The following KDM2B variants were observed in gnomAD, a reference collection of about 807,000 sequenced individuals.
The protein encoded by KDM2B is lysine demethylase 2B.
In KDM2B, 26 loss-of-function variants were observed where a neutral mutation model predicts 150.0. The ratio of observed to expected loss-of-function variants is 0.17; its 90% CI spans 0.13 to 0.24. The LOEUF is 0.24. KDM2B is among the 10% of genes least tolerant of loss of function. The pLI, the probability that KDM2B is intolerant of heterozygous loss-of-function variation, is 1.00. For synonymous variants in KDM2B, 734 were observed against 729.5 expected (o/e 1.01, Z -0.10); for missense variants, 1,265 against 1,816.9 (o/e 0.70, Z 5.52).
At chr12:121,544,058 C>G (rs577232640) in intron 6 of KDM2B, among the ~76,000 whole-genome samples, 18 of 142,600 alleles carry the variant, frequency 1.3e-4, no homozygotes, top group African/African-American at 4.8e-4. Context: ...GAAGTTGCAA[C>G]GACCCACAAT....
In KDM2B at chr12:121,430,163, A is replaced by G; in HGVS notation, c.*125T>C. 6.2e-7 allele frequency: 1 copy of G among 1,614,190 alleles called. No individual in the cohort carries two copies. The highest frequency in any genetic ancestry group is 8.5e-7 in the Non-Finnish European group (1 of 1,180,028). On this transcript the variant is annotated 3_prime_UTR_variant, in exon 23 of 23. Coordinates refer to ENST00000377071, the MANE Select transcript of KDM2B (RefSeq NM_032590.5). The surrounding 1 kb of genome is among the most constrained non-coding windows in gnomAD (Gnocchi z 4.4). ...GTTGAACAGCTTCTCCCTTGGAAAG[A>G]CTTGCAAAATGGAATTGCGTTGTGG...
the KDM2B span, among the ~76,000 whole-genome samples, chr12:121,423,142 C>T: frequency 6.6e-6 from 1 of 152,202 alleles, no homozygotes. The surrounding 1 kb of genome is among the most constrained non-coding windows in gnomAD (Gnocchi z 4.3). Flanking sequence ...ACATAGCTAA[C>T]ATTTGTTGGG....
At chr12:121,508,964 C>T (rs1885334311) in intron 11 of KDM2B, among the ~76,000 whole-genome samples, 1 of 152,222 alleles carries the variant, frequency 6.6e-6, no homozygotes. Context: ...AACTGCTGCA[C>T]ATGTCACACC....
the KDM2B span, chr12:121,417,892 G>A: frequency 6.2e-7 from 1 of 1,613,954 alleles, no homozygotes; most frequent in Non-Finnish European, 8.5e-7. This position sits in a 1 kb window ranked among gnomAD's most constrained non-coding sequence, Gnocchi z 5.0. Context: ...CAAACATCCA[G>A]ATCTGGAGTG....
intron 10 of KDM2B, among the ~76,000 whole-genome samples, chr12:121,510,329 G>C (rs1302985185): frequency 6.6e-6 from 1 of 152,172 alleles, no homozygotes; most frequent in Non-Finnish European, 1.5e-5. Context: ...AGGCTGGACT[G>C]TAGTGGCACA....
Position 121,444,035 on chromosome 12 carries a change from G to A in KDM2B, c.2428C>T (p.Gln810Ter). The change falls in exon 16 of 23, where the codon CAG becomes TAG. Residue 810 changes from glutamine (Q) to a stop codon, truncating the protein, a stop_gained. Transcript: ENST00000377071. LOFTEE classifies it high-confidence loss of function. ...LRKKRKYEKP[Q>*]ELSGRKRASS... is the part of the protein sequence containing the mutation. ...ACCCGCTTGCGTCCACTCAGCTCCT[G>A]GGGCTTCTCGTATTTCCGCTTCTTC... 1 of 1,612,938 alleles carries A rather than the reference G, an allele frequency of 6.2e-7. No homozygotes were observed. The highest frequency in any genetic ancestry group is 8.5e-7 in the Non-Finnish European group (1 of 1,179,446).
intron 10 of KDM2B, among the ~76,000 whole-genome samples, chr12:121,511,083 TCACTGCAACCTC>T (rs1412466349): frequency 6.6e-6 from 1 of 151,346 alleles, no homozygotes; most frequent in Non-Finnish European, 1.5e-5. Context: ...TGATCTCAGC[TCACTGCAACCTC>T]CATCTCCTGG....
rs371932346 is a variant in KDM2B at position 121,539,960 on chromosome 12, G to A, written c.684-5370C>T. Among the ~76,000 whole-genome samples, 21 of 152,062 alleles carry A rather than the reference G, an allele frequency of 1.4e-4. No individual in the cohort carries two copies. In the East Asian group the frequency reaches 3.3e-3, roughly 24 times the overall value. ...TTGCTGTATTGGCTAGGCTGCTCTC[G>A]AACTCCTGGCCTCAAGCAATCCACC... On this transcript the variant is annotated intron_variant, in intron 6 of 22. Transcript: ENST00000377071.
intron 4 of KDM2B, among the ~76,000 whole-genome samples, chr12:121,569,826 T>TTTTC (rs58941915): frequency 0.18 from 26,697 of 149,510 alleles, 4,658 homozygotes; most frequent in African/African-American, 0.44. Flanking sequence ...TTCTTTTTTC[T>TTTTC]TTTCTTTCTT....
the KDM2B span, among the ~76,000 whole-genome samples, chr12:121,412,375 G>A: frequency 6.6e-6 from 1 of 151,618 alleles, no homozygotes; most frequent in Non-Finnish European, 1.5e-5. Flanking sequence ...GAGTAGCTGG[G>A]ACTACAGGTG....
intron 2 of KDM2B, 23 bp downstream of exon 2, chr12:121,578,779 G>T (rs1555317314): frequency 1.3e-6 from 2 of 1,492,726 alleles, no homozygotes; most frequent in Non-Finnish European, 1.8e-6. Context: ...CGCAGAGGGC[G>T]GCCCGGGGTG....
chr12:121,487,731 C>T (rs183761942), intron 12 of KDM2B, among the ~76,000 whole-genome samples: 116 of 152,192 alleles, frequency 7.6e-4, no homozygotes, highest in African/African-American at 2.6e-3. Flanking sequence ...CCATCACTCC[C>T]CTCCAAAGAG....
chr12:121,580,361 G>T (rs1208023547), intron 1 of KDM2B: 9 of 1,142,812 alleles, frequency 7.9e-6, no homozygotes, highest in African/African-American at 3.3e-5. Context: ...CCCGGGCTTG[G>T]GGGGGTGGGG....
chr12:121,433,041 G>C, intron 22 of KDM2B: 2 of 432,522 alleles, frequency 4.6e-6, no homozygotes, highest in Non-Finnish European at 9.2e-6. Flanking sequence ...GGCAGCACTT[G>C]GTGTGAAGTG....
chr12:121,460,848 C>T (rs986811186), intron 12 of KDM2B, among the ~76,000 whole-genome samples: 1 of 152,162 alleles, frequency 6.6e-6, no homozygotes, highest in Non-Finnish European at 1.5e-5. Context: ...CCTACCACCT[C>T]AGGCTCCCAA....
chr12:121,436,694 A>G (rs1459612154), intron 22 of KDM2B, among the ~76,000 whole-genome samples: 1 of 152,138 alleles, frequency 6.6e-6, no homozygotes, highest in Non-Finnish European at 1.5e-5. Context: ...CAAGTGAAGA[A>G]CACAGACGTC....
At chr12:121,483,607 G>A (rs1407902209) in intron 12 of KDM2B, among the ~76,000 whole-genome samples, 1 of 147,570 alleles carries the variant, frequency 6.8e-6, no homozygotes, top group Non-Finnish European at 1.5e-5. Flanking sequence ...AGTCCGGGAG[G>A]TGTAGGTTGC....
chr12:121,526,123 A>G (rs1887106680), intron 8 of KDM2B, among the ~76,000 whole-genome samples: 1 of 152,170 alleles, frequency 6.6e-6, no homozygotes, highest in Non-Finnish European at 1.5e-5. Flanking sequence ...AGGCCAAGGC[A>G]GGCGGATCAC....
rs1393002163 is a variant in KDM2B, at chr12:121,518,994, T to C, written c.1047+1991A>G. On this transcript the variant is annotated intron_variant, in intron 9 of 22. Transcript: ENST00000377071. The surrounding 1 kb of genome is among the most constrained non-coding windows in gnomAD (Gnocchi z 4.4). ...AGGGTGGGGGCTGGCCTTCCCCAGG[T>C]GGGATGGGGATGGTGGGCCACAGAG... Among the ~76,000 whole-genome samples the C allele has an allele frequency of 2.6e-5, 4 of 151,724 alleles. No individual in the cohort carries two copies. Among genetic ancestry groups the C allele is most frequent in the African/African-American group, 9.7e-5 (4 of 41,270 alleles).
Sources: gnomAD v4.1 joint callset for allele counts (sites outside exome capture counted in the v4.1 genomes callset) on GRCh38, gnomAD v4.1.1 for gene constraint, Gnocchi (gnomAD v3.1) non-coding constraint, MANE v1.5 for transcripts, NCBI Gene and HGNC (gene_info 2026-07-23, HGNC 2026-07-21) for gene names.